Variants in ADAM20 observed in about 807,000 individuals in gnomAD.
ADAM20 encodes the protein disintegrin and metalloproteinase domain-containing protein 20.
For missense variants in ADAM20, 871 were observed against 883.2 expected, an observed-to-expected ratio of 0.99 and a Z score of 0.18; for synonymous variants, 305 against 310.2, an observed-to-expected ratio of 0.98 and a Z score of 0.18.
the ADAM20 span, among the ~76,000 whole-genome samples, chr14:70,563,677 C>T: frequency 6.6e-6 from 1 of 150,822 alleles, no homozygotes; most frequent in Non-Finnish European, 1.5e-5. Context: ...TGTATTCTCC[C>T]AAGACCTGGC....
chr14:70,553,966 C>T, the ADAM20 span, among the ~76,000 whole-genome samples: 2 of 152,122 alleles, frequency 1.3e-5, no homozygotes, highest in Non-Finnish European at 2.9e-5. Context: ...AAGTAAAGGG[C>T]ATCCAAACTG....
chr14:70,546,046 T>C, the ADAM20 span, among the ~76,000 whole-genome samples: 1 of 152,162 alleles, frequency 6.6e-6, no homozygotes, highest in Non-Finnish European at 1.5e-5. Context: ...CAATAATAAA[T>C]GGAATTTTGG....
rs184918302 is a variant in ADAM20, at chr14:70,534,074, C to T, written c.-177+723G>A. Among the ~76,000 whole-genome samples, 640 of 121,804 alleles carry T rather than the reference C, an allele frequency of 5.3e-3. 5 individuals carry two copies. Among genetic ancestry groups the T allele is most frequent in the African/African-American group, 0.022 (606 of 27,812 alleles). 79.9% of individuals were successfully genotyped at this position (121,804 alleles called of 152,430 possible). A position where few individuals can be genotyped will look rare whatever the true frequency, so the allele number is the denominator to read the frequency against. ...CTCTAGTCTGGGCGAGAGAGCAAGA[C>T]CCTGTCTCAAAAAAAAAAAAAAAAA... On this transcript the variant is annotated intron_variant, in intron 1 of 1. Transcript: ENST00000256389.
rs188347579 is a variant in ADAM20, at chr14:70,523,238, G to C, written c.1520C>G (p.Thr507Arg). The C allele has an allele frequency of 2.3e-5, 37 of 1,613,910 alleles. No homozygotes were observed. The Admixed American group carries it at 5.3e-4, about 23-fold the overall frequency. The change falls in exon 2 of 2, where the codon ACG becomes AGG. Residue 507 changes from threonine to arginine, a missense_variant. Physicochemically the swap from Thr to Arg is moderately conservative, Grantham distance 71. Coordinates refer to ENST00000256389, the MANE Select transcript of ADAM20 (RefSeq NM_003814.5). ...ACATTGTATATCATGGTTATTACAC[G>C]TCTTTTCATAGCAGAAGGCATTCAC... ...CNVNAFCYEK[T>R]CNNHDIQCKE...
Position 70,524,251 on chromosome 14 carries a change from T to C in ADAM20, c.507A>G (p.Pro169=). The C allele has an allele frequency of 1.2e-6, 2 of 1,614,018 alleles. No homozygotes were observed. The highest frequency in any genetic ancestry group is 1.7e-6 in the Non-Finnish European group (2 of 1,179,944). The stretch of plus-strand genomic sequence containing the variant: ...CTTCTGTTAACCCACATCTCATAGG[T>C]GGAAACTGTGTATCATCACTGTCTA... ...YKIDSDDTQF[P]PMRCGLTEEK... The change falls in exon 2 of 2, where the codon CCA becomes CCG. Residue 169 remains proline (P), a synonymous_variant. Coordinates refer to ENST00000256389, the MANE Select transcript of ADAM20 (RefSeq NM_003814.5).
chr14:70,527,888 TCATGCC>T (rs932550654), intron 1 of ADAM20, among the ~76,000 whole-genome samples: 1 of 152,200 alleles, frequency 6.6e-6, no homozygotes, highest in African/African-American at 2.4e-5. Context: ...GGAACTTTGT[TCATGCC>T]CTACCCTTAT....
chr14:70,562,317 G>C, the ADAM20 span, among the ~76,000 whole-genome samples: 1 of 152,180 alleles, frequency 6.6e-6, no homozygotes, highest in South Asian at 2.1e-4. Flanking sequence ...TTTTGAATGG[G>C]AGCATGTATC....
chr14:70,554,387 T>C, the ADAM20 span, among the ~76,000 whole-genome samples: 6 of 152,216 alleles, frequency 3.9e-5, no homozygotes, highest in African/African-American at 1.2e-4. Flanking sequence ...CTTATAAATA[T>C]ATATCCAAAG....
chr14:70,546,446 G>A, the ADAM20 span, among the ~76,000 whole-genome samples: 1 of 152,164 alleles, frequency 6.6e-6, no homozygotes, highest in African/African-American at 2.4e-5. Context: ...ATCCAGAAAG[G>A]TGGGGACAAC....
At chr14:70,563,169 T>G in the ADAM20 span, among the ~76,000 whole-genome samples, 2 of 152,046 alleles carry the variant, frequency 1.3e-5, no homozygotes, top group Non-Finnish European at 2.9e-5. Flanking sequence ...AGATGACCCA[T>G]TTGGCCAGGT....
the ADAM20 span, among the ~76,000 whole-genome samples, chr14:70,576,190 T>C: frequency 6.6e-6 from 1 of 152,166 alleles, no homozygotes; most frequent in African/African-American, 2.4e-5. Context: ...AGTGTAGGTT[T>C]GTTCTTTGAA....
the ADAM20 span, among the ~76,000 whole-genome samples, chr14:70,577,722 T>C: frequency 2.0e-5 from 3 of 152,290 alleles, no homozygotes; most frequent in East Asian, 1.9e-4. Context: ...CGGAATACCA[T>C]AGAGTCTCTC....
At chr14:70,527,624 T>C (rs1320007467) in intron 1 of ADAM20, among the ~76,000 whole-genome samples, 1 of 152,176 alleles carries the variant, frequency 6.6e-6, no homozygotes, top group Non-Finnish European at 1.5e-5. Flanking sequence ...ATATAAGAAC[T>C]GACATCTCAC....
At chr14:70,557,865 C>T in the ADAM20 span, among the ~76,000 whole-genome samples, 7 of 151,908 alleles carry the variant, frequency 4.6e-5, no homozygotes, top group Admixed American at 4.6e-4. Flanking sequence ...GATTGGACAC[C>T]CTTGATTAAG....
the ADAM20 span, chr14:70,556,917 TAC>T: frequency 1.3e-5 from 2 of 152,206 alleles, no homozygotes; most frequent in African/African-American, 4.8e-5. Context: ...CTTTGTGGTC[TAC>T]AGTGTCTACT....
chr14:70,565,872 G>T, the ADAM20 span, among the ~76,000 whole-genome samples: 1 of 151,836 alleles, frequency 6.6e-6, no homozygotes, highest in African/African-American at 2.4e-5. Context: ...TATTATCTGT[G>T]GAGTTTCCTG....
Position 70,524,438 on chromosome 14 carries a change from T to A in ADAM20, c.320A>T (p.Asp107Val), listed in dbSNP as rs1378139566. The change falls in exon 2 of 2, where the codon GAT (aspartate) becomes GTT (valine). Residue 107 changes from aspartate to valine, a missense_variant. Asp to Val is a radical substitution (Grantham distance 152). Coordinates refer to ENST00000256389, the MANE Select transcript of ADAM20 (RefSeq NM_003814.5). The part of the protein sequence containing the change: ...ALLQDQPFIQ[D>V]DCYYHGYVEG... Reference sequence around the variant, plus strand: ...CACATAACCATGGTAGTAGCAGTCATCCTGGATGAAGGGCTGATCCTGGAG... The same window carrying A: ...CACATAACCATGGTAGTAGCAGTCAACCTGGATGAAGGGCTGATCCTGGAG... 2 of 1,614,036 alleles carry A rather than the reference T, an allele frequency of 1.2e-6. No homozygotes were observed. Among genetic ancestry groups the A allele is most frequent in the Admixed American group, 3.3e-5 (2 of 59,984 alleles).
the ADAM20 span, among the ~76,000 whole-genome samples, chr14:70,569,885 C>CAAAAAAAAAAAAAAAAAAAAAA: frequency 1.3e-5 from 1 of 76,152 alleles, no homozygotes; most frequent in African/African-American, 4.3e-5. Context: ...AGAAAACTAA[C>CAAAAAAAAAAAAAAAAAAAAAA]AAAAAAAAAA....
At chr14:70,537,052 C>T (rs1326916511), upstream of ADAM20, among the ~76,000 whole-genome samples, 3 of 151,826 alleles carry the variant, frequency 2.0e-5, no homozygotes, top group African/African-American at 7.3e-5. Context: ...TCTTTCTTTA[C>T]TTCTTACATT....
Sources: allele counts gnomAD v4.1 joint callset (sites outside exome capture counted in the v4.1 genomes callset), GRCh38; gene constraint gnomAD v4.1.1; transcripts MANE v1.5; gene names NCBI Gene and HGNC (gene_info 2026-07-23, HGNC 2026-07-21).